The following DEPTOR variants were observed in gnomAD, a reference collection of about 807,000 sequenced individuals.
DEPTOR encodes the protein DEP domain containing MTOR interacting protein.
A neutral mutation model predicts 41.6 loss-of-function variants in DEPTOR; 41 were observed. The ratio of observed to expected loss-of-function variants is 0.98; its 90% CI spans 0.77 to 1.28. The LOEUF (loss-of-function observed/expected upper bound fraction) is 1.28, where lower values mean the gene tolerates loss of function less well. Among genes scored for constraint, DEPTOR ranks in the 50% most tolerant of loss-of-function variants. The pLI, the probability that DEPTOR is intolerant of heterozygous loss-of-function variation, is 0.00. For missense variants in DEPTOR, 514 were observed against 527.9 expected (o/e 0.97, Z 0.26); for synonymous variants, 195 against 192.3 (o/e 1.01, Z -0.12).
chr8:119,980,495 TTTCTTTTCTTTTC>T (rs1346715889), intron 4 of DEPTOR, among the ~76,000 whole-genome samples: 4 of 138,522 alleles, frequency 2.9e-5, no homozygotes, highest in Non-Finnish European at 6.0e-5. Context: ...TTTCTTTTCT[TTTCTTTTCTTTTC>T]TTTTCTCTCT....
intron 4 of DEPTOR, among the ~76,000 whole-genome samples, chr8:119,982,581 G>T (rs987218010): frequency 1.3e-5 from 2 of 152,180 alleles, no homozygotes; most frequent in Non-Finnish European, 1.5e-5. Context: ...GTGCAGTAAA[G>T]ATAGTTTAAG....
chr8:120,033,423 G>C (rs1443581093), intron 8 of DEPTOR, among the ~76,000 whole-genome samples: 2 of 152,138 alleles, frequency 1.3e-5, no homozygotes, highest in Non-Finnish European at 2.9e-5. Flanking sequence ...GAAAGAGTTT[G>C]AGTCACAGCC....
intron 1 of DEPTOR, among the ~76,000 whole-genome samples, chr8:119,887,559 G>A (rs1205238393): frequency 7.6e-6 from 1 of 130,764 alleles, no homozygotes; most frequent in Admixed American, 8.1e-5. Context: ...GAGTTCAGTG[G>A]TGTAATCTCA....
intron 3 of DEPTOR, among the ~76,000 whole-genome samples, chr8:119,947,433 G>C (rs539013673): frequency 6.6e-6 from 1 of 152,302 alleles, no homozygotes; most frequent in South Asian, 2.1e-4. Context: ...GAGTCACCAA[G>C]CATCTGCCTG....
chr8:119,990,467 C>T (rs572102330), intron 4 of DEPTOR, among the ~76,000 whole-genome samples: 113 of 152,296 alleles, frequency 7.4e-4, no homozygotes, highest in Non-Finnish European at 1.2e-3. Flanking sequence ...CCCCAGCTAT[C>T]GTTTAATGAT....
At chr8:120,006,295 A>G (rs7000819) in intron 6 of DEPTOR, among the ~76,000 whole-genome samples, 23,511 of 152,066 alleles carry the variant, frequency 0.15, 2,985 homozygotes, top group African/African-American at 0.34. Context: ...AGGCTGAGGC[A>G]GGCAGATTGC....
intron 1 of DEPTOR, chr8:119,874,232 T>C (rs77378748): frequency 0.34 from 165,200 of 491,718 alleles, 30,879 homozygotes; most frequent in African/African-American, 0.55. Flanking sequence ...GCTGCTGCAG[T>C]CCTGTGCCGG....
At chr8:120,002,791 A>AAAAAAATATATATATATATATATATATAT in intron 5 of DEPTOR, among the ~76,000 whole-genome samples, 186 bp from the exon 6 acceptor site, 1 of 60,670 alleles carries the variant, frequency 1.6e-5, no homozygotes, top group African/African-American at 7.6e-5. Context: ...AAAAAAAAAA[A>AAAAAAATATATATATATATATATATATAT]ATATATATAT....
At chr8:119,987,167 T>C (rs1828839519) in intron 4 of DEPTOR, among the ~76,000 whole-genome samples, 1 of 152,190 alleles carries the variant, frequency 6.6e-6, no homozygotes, top group Non-Finnish European at 1.5e-5. Flanking sequence ...TCTTTGTGGA[T>C]ATATCTACCT....
chr8:119,887,853 CT>C (rs1435692733), intron 1 of DEPTOR, among the ~76,000 whole-genome samples: 1 of 151,876 alleles, frequency 6.6e-6, no homozygotes, highest in African/African-American at 2.4e-5. Context: ...CATGGTCTTG[CT>C]CTGTCACCCG....
chr8:119,884,503 T>G (rs1827338896), intron 1 of DEPTOR, among the ~76,000 whole-genome samples: 1 of 151,776 alleles, frequency 6.6e-6, no homozygotes, highest in Non-Finnish European at 1.5e-5. Flanking sequence ...AATTATTTGC[T>G]GATTTAAGGA....
rs1167800501 is a variant in DEPTOR, at chr8:119,929,920, G to C, written c.407G>C (p.Gly136Ala). Residue 136 changes from glycine to alanine, a missense_variant, in exon 3 of 9, where the codon GGA (glycine) becomes GCA (alanine). Physicochemically the swap from Gly to Ala is moderately conservative, Grantham distance 60. Coordinates refer to ENST00000286234, the MANE Select transcript of DEPTOR (RefSeq NM_022783.4). ...AATGAAGTGAAGGCCTTTATGAGAGGACAGAGGCTATATGAAAAGTATGTT... is the reference window on the plus strand; with the variant it reads ...AATGAAGTGAAGGCCTTTATGAGAGCACAGAGGCTATATGAAAAGTATGTT... ...LDNEVKAFMR[G>A]QRLYEKLMSP... The C allele has an allele frequency of 6.2e-7, 1 of 1,612,900 alleles. No individual in the cohort carries two copies.
chr8:120,014,894 T>G (rs1820120778), intron 8 of DEPTOR, among the ~76,000 whole-genome samples: 1 of 113,648 alleles, frequency 8.8e-6, no homozygotes, highest in African/African-American at 3.5e-5. Context: ...TGTCACAACC[T>G]TGAATGATAT....
intron 1 of DEPTOR, among the ~76,000 whole-genome samples, chr8:119,883,324 C>A (rs6469857): frequency 1 from 151,584 of 151,712 alleles, 75,729 homozygotes; most frequent in Middle Eastern, 1. Context: ...AATACAAAAA[C>A]ATTAGCCGGG....
chr8:119,929,823 G>A lies in DEPTOR; in HGVS notation c.310G>A (p.Glu104Lys). The change falls in exon 3 of 9, where the codon GAG becomes AAG. Residue 104 changes from glutamate to lysine, a missense_variant. Transcript: ENST00000286234. Reference sequence around the variant, plus strand: ...TGCATATTGTGTTTCAGTGTGTGATGAGCATAAGGAATTCAAGGATGTCAA... The same window carrying A: ...TGCATATTGTGTTTCAGTGTGTGATAAGCATAAGGAATTCAAGGATGTCAA... ...DRGIIHHVCD[E>K]HKEFKDVKLF... 1.2e-6 allele frequency: 2 copies of A among 1,611,026 alleles called. No homozygotes were observed. The highest frequency in any genetic ancestry group is 1.7e-6 in the Non-Finnish European group (2 of 1,177,912).
chr8:119,985,205 T>C (rs1202804048), intron 4 of DEPTOR, among the ~76,000 whole-genome samples: 1 of 152,136 alleles, frequency 6.6e-6, no homozygotes, highest in Admixed American at 6.6e-5. Context: ...CTCCACATCC[T>C]CTCCAGCATC....
intron 1 of DEPTOR, among the ~76,000 whole-genome samples, chr8:119,926,367 G>A (rs999475141): frequency 2.6e-5 from 4 of 152,176 alleles, no homozygotes; most frequent in Non-Finnish European, 5.9e-5. Flanking sequence ...TGGCATCAGT[G>A]TAGTTTCCTT....
intron 8 of DEPTOR, among the ~76,000 whole-genome samples, chr8:120,031,798 C>T (rs1436055530): frequency 1.3e-5 from 2 of 152,196 alleles, no homozygotes; most frequent in Admixed American, 6.5e-5. Flanking sequence ...TCCTCAGCCT[C>T]CCTGCTCAAA....
intron 1 of DEPTOR, among the ~76,000 whole-genome samples, chr8:119,878,493 T>A (rs143172675): frequency 6.6e-6 from 1 of 151,688 alleles, no homozygotes; most frequent in Non-Finnish European, 1.5e-5. Context: ...TTAATTTTTT[T>A]TGTGTGTGTG....
Sources: allele counts gnomAD v4.1 joint callset (sites outside exome capture counted in the v4.1 genomes callset), GRCh38; gene constraint gnomAD v4.1.1; transcripts MANE v1.5; gene names NCBI Gene and HGNC (gene_info 2026-07-23, HGNC 2026-07-21).